RNASEH1: variants seen among roughly 807,000 people sequenced by gnomAD.
RNASEH1 encodes ribonuclease H type II.
A neutral mutation model predicts 34.6 loss-of-function variants in RNASEH1; 27 were observed. The ratio of observed to expected loss-of-function variants is 0.78; its 90% CI spans 0.58 to 1.08. The LOEUF is 1.08. Ranked by LOEUF, RNASEH1 falls within the 50% of genes least tolerant of loss-of-function variation. The probability of loss-of-function intolerance (pLI) is 0.00; values close to 1 mark genes in which losing one functional copy is unlikely to be tolerated. For synonymous variants in RNASEH1, 162 were observed against 138.4 expected (o/e 1.17, Z -1.20); for missense variants, 349 against 373.6 (o/e 0.93, Z 0.54).
chr2:3,552,079 C>T, intron 3 of RNASEH1, 65 bp downstream of exon 3: 11 of 1,378,082 alleles, frequency 8.0e-6, no homozygotes, highest in Non-Finnish European at 1.1e-5. Flanking sequence ...AAGTGGGAAA[C>T]ACCTTTTACA....
At chr2:3,557,413 T>C (rs1285993218) in intron 1 of RNASEH1, among the ~76,000 whole-genome samples, 1 of 152,188 alleles carries the variant, frequency 6.6e-6, no homozygotes, top group Non-Finnish European at 1.5e-5. Context: ...ACTCAAAGCA[T>C]AACAAAATAC....
At position 3,556,890 on chromosome 2, in the gene RNASEH1, G is replaced by A. The variant is rs1413234249; in HGVS notation, c.143C>T (p.Ala48Val). 2 of 1,612,674 alleles carry A rather than the reference G, an allele frequency of 1.2e-6. No individual in the cohort carries two copies. The highest frequency in any genetic ancestry group is 1.7e-5 in the Admixed American group (1 of 60,024). The change falls in exon 2 of 8, where the codon GCA (alanine) becomes GTA (valine). Residue 48 changes from alanine to valine, a missense_variant. Ala to Val is a moderately conservative substitution (Grantham distance 64). Transcript: ENST00000315212. ...GVFLTWNECRAQVDRFPAARF... is the reference protein window; with the variant it reads ...GVFLTWNECRVQVDRFPAARF... ...GGCAGCAGGAAACCGGTCCACCTGT[G>A]CTCTGCACTCATTCCTGGAAAAGAT...
At chr2:3,540,192 C>T (rs1572271068), downstream of RNASEH1, among the ~76,000 whole-genome samples, 1 of 152,124 alleles carries the variant, frequency 6.6e-6, no homozygotes, top group East Asian at 1.9e-4. Context: ...ATATGACAGT[C>T]ACTCAAATAT....
Position 3,556,775 on chromosome 2 carries a change from TGA to T in RNASEH1, c.244+12_244+13del. 1 of 1,557,946 alleles carries T rather than the reference TGA, an allele frequency of 6.4e-7. No homozygotes were observed. The highest frequency in any genetic ancestry group is 8.9e-7 in the Non-Finnish European group (1 of 1,128,738). The stretch of plus-strand genomic sequence containing the variant: ...AATAGGTTAAAATGTCACACTGATA[TGA>T]GAGGTGACTACCTTCTGAAACTTCC... On this transcript the variant is annotated intron_variant, in intron 2 of 7. Transcript: ENST00000315212.
At chr2:3,533,845 C>T in the RNASEH1 span, 1 of 152,258 alleles carries the variant, frequency 6.6e-6, no homozygotes. Flanking sequence ...GAAGCGTGGT[C>T]CCTCTGATAG....
rs908771435 is a variant in RNASEH1 at position 3,558,313 on chromosome 2, G to C, written c.-53C>G. On this transcript the variant is annotated 5_prime_UTR_variant, in exon 1 of 8. Coordinates refer to ENST00000315212, the MANE Select transcript of RNASEH1 (RefSeq NM_002936.6). Reference sequence around the variant, plus strand: ...TCGACTCCCGGCCCAGCGTGGGCGCGAGCCGCCGGCGCTCAACACCGCACT... The same window carrying C: ...TCGACTCCCGGCCCAGCGTGGGCGCCAGCCGCCGGCGCTCAACACCGCACT... 8 of 1,473,806 alleles carry C rather than the reference G, an allele frequency of 5.4e-6. No individual in the cohort carries two copies. The highest frequency in any genetic ancestry group is 4.4e-5 in the African/African-American group (3 of 68,470). 91.3% of individuals were successfully genotyped at this position (1,473,806 alleles called of 1,614,324 possible).
the RNASEH1 span, among the ~76,000 whole-genome samples, chr2:3,535,824 G>A: frequency 6.6e-6 from 1 of 152,242 alleles, no homozygotes; most frequent in Admixed American, 6.5e-5. Flanking sequence ...CCCACCAGGA[G>A]CTCTGCACTA....
intron 4 of RNASEH1, 131 bp downstream of exon 4, chr2:3,550,242 C>A: frequency 1.3e-6 from 1 of 772,276 alleles, no homozygotes; most frequent in East Asian, 2.5e-5. Flanking sequence ...ACCAAAGCTG[C>A]TCCTCTGCCA....
downstream of RNASEH1, among the ~76,000 whole-genome samples, chr2:3,539,067 T>C (rs1289739711): frequency 6.6e-6 from 1 of 152,190 alleles, no homozygotes; most frequent in African/African-American, 2.4e-5. Flanking sequence ...TTCTAGTTCT[T>C]ATATATTAGG....
At chr2:3,534,483 T>A in the RNASEH1 span, among the ~76,000 whole-genome samples, 5 of 152,260 alleles carry the variant, frequency 3.3e-5, no homozygotes, top group African/African-American at 1.2e-4. Context: ...TGGGAACGGT[T>A]GAGCTGTGAC....
intron 2 of RNASEH1, among the ~76,000 whole-genome samples, chr2:3,554,510 TA>T (rs537046391): frequency 2.6e-5 from 4 of 152,146 alleles, no homozygotes; most frequent in Non-Finnish European, 5.9e-5. Context: ...AATGTAATGT[TA>T]AAAAACAAAA....
chr2:3,556,229 C>T (rs1203204771), intron 2 of RNASEH1, among the ~76,000 whole-genome samples: 1 of 151,176 alleles, frequency 6.6e-6, no homozygotes, highest in East Asian at 1.9e-4. Context: ...AAAAAGGCAA[C>T]ACCACAAAGG....
At chr2:3,535,807 G>A in the RNASEH1 span, among the ~76,000 whole-genome samples, 4 of 152,214 alleles carry the variant, frequency 2.6e-5, no homozygotes, top group African/African-American at 7.2e-5. Context: ...GGGGGAGAAG[G>A]TGCGAACCCA....
Position 3,544,051 on chromosome 2 carries a change from A to G in RNASEH1, c.*1734T>C, listed in dbSNP as rs548806833. On this transcript the variant is annotated 3_prime_UTR_variant, in exon 8 of 8. Coordinates refer to ENST00000315212, the MANE Select transcript of RNASEH1 (RefSeq NM_002936.6). The stretch of plus-strand genomic sequence containing the variant: ...CTGCCCTTCCTATATGAACTGTACC[A>G]CTGGGTAACCAGATAAGTATAAAAA... 4.1e-4 allele frequency among the ~76,000 whole-genome samples: 63 copies of G among 152,374 alleles called. No homozygotes were observed. Among genetic ancestry groups the G allele is most frequent in the African/African-American group, 1.5e-3 (61 of 41,588 alleles).
At chr2:3,557,861 G>T in intron 1 of RNASEH1, 2 of 1,457,150 alleles carry the variant, frequency 1.4e-6, no homozygotes, top group Non-Finnish European at 1.8e-6. Context: ...AAAGATGGAG[G>T]ATTAAACACA....
chr2:3,548,313 C>T (rs1284530605), intron 6 of RNASEH1, among the ~76,000 whole-genome samples: 2 of 152,164 alleles, frequency 1.3e-5, no homozygotes, highest in Non-Finnish European at 2.9e-5. Context: ...TCCCCAGCCT[C>T]GTAAGCATCC....
chr2:3,556,832 G>A lies in RNASEH1; in HGVS notation c.201C>T (p.Ala67=). The change falls in exon 2 of 8, where the codon GCC becomes GCT. Residue 67 remains alanine, a synonymous_variant. Transcript: ENST00000315212. ...RFKKFATEDE[A]WAFVRKSASP... Reference sequence around the variant, plus strand: ...TTGCAGATTTCCTGACAAAGGCCCAGGCCTCATCCTCTGTGGCAAACTTCT... The same window carrying A: ...TTGCAGATTTCCTGACAAAGGCCCAAGCCTCATCCTCTGTGGCAAACTTCT... 6.2e-7 allele frequency: 1 copy of A among 1,614,012 alleles called. No homozygotes were observed. Among genetic ancestry groups the A allele is most frequent in the Non-Finnish European group, 8.5e-7 (1 of 1,179,856 alleles).
Position 3,558,122 on chromosome 2 carries a change from G to GGGCC in RNASEH1, c.128+7_128+10dup, listed in dbSNP as rs1285888699. On this transcript the variant is annotated intron_variant, in intron 1 of 7. Coordinates refer to ENST00000315212, the MANE Select transcript of RNASEH1 (RefSeq NM_002936.6). ...CCGGCAGGGAGGCGCCTCGGCGGGC[G>GGGCC]GGCCACTCACCAGGTCAGAAAGACC... is the stretch of plus-strand genomic sequence containing the variant. The GGGCC allele has an allele frequency of 2.5e-6, 4 of 1,583,762 alleles. No homozygotes were observed. In the African/African-American group the frequency reaches 5.5e-5, roughly 22 times the overall value.
At chr2:3,557,850 C>T in intron 1 of RNASEH1, 1 of 1,430,814 alleles carries the variant, frequency 7.0e-7, no homozygotes, top group Non-Finnish European at 9.4e-7. Context: ...TTAACTGCAA[C>T]AAAGATGGAG....
Sources: allele counts gnomAD v4.1 joint callset (sites outside exome capture counted in the v4.1 genomes callset), GRCh38; gene constraint gnomAD v4.1.1; transcripts MANE v1.5; gene names NCBI Gene and HGNC (gene_info 2026-07-23, HGNC 2026-07-21).